The following RYR3 variants were observed in gnomAD, a reference collection of about 807,000 sequenced individuals.
The protein encoded by RYR3 is ryanodine receptor 3.
A neutral mutation model predicts 584.3 loss-of-function variants in RYR3; 207 were observed. That is an observed-to-expected ratio of 0.35 (90% CI 0.32 to 0.40). RYR3 has a LOEUF of 0.40. RYR3 is among the 10% of genes least tolerant of loss of function. RYR3 has a pLI of 1.00. For synonymous variants in RYR3, 2,416 were observed against 2,248.5 expected (o/e 1.07, Z -2.11); for missense variants, 5,616 against 6,089.2 (o/e 0.92, Z 2.59).
In RYR3 at chr15:33,603,308, A is replaced by G. The variant is rs1018806149; in HGVS notation, c.2108A>G (p.Asn703Ser). The change falls in exon 18 of 104, where the codon AAT becomes AGT. Residue 703 changes from asparagine (N) to serine (S), a missense_variant. Asn to Ser is a conservative substitution (Grantham distance 46). This residue lies in a region of RYR3 where 1,284 missense variants were observed against 1,344.6 expected (regional missense o/e 0.95). Transcript: ENST00000634891. ...YPGGGEGWGGNGVGDDLYSYG... is the reference protein window; with the variant it reads ...YPGGGEGWGGSGVGDDLYSYG... ...GGAGGTGGAGAAGGATGGGGAGGCA[A>G]TGGTGTTGGTGACGACCTGTACTCC... 70 of 1,613,342 alleles carry G rather than the reference A, an allele frequency of 4.3e-5. No homozygotes were observed. Among genetic ancestry groups the G allele is most frequent in the Non-Finnish European group, 5.6e-5 (66 of 1,179,608 alleles).
At chr15:33,499,265 C>A (rs1177251198) in intron 2 of RYR3, among the ~76,000 whole-genome samples, 1 of 151,048 alleles carries the variant, frequency 6.6e-6, no homozygotes, top group East Asian at 2.0e-4. Flanking sequence ...CCATTTCCCT[C>A]CCTGTCTTCC....
At chr15:33,497,080 A>T (rs1256514648) in intron 2 of RYR3, among the ~76,000 whole-genome samples, 1 of 152,036 alleles carries the variant, frequency 6.6e-6, no homozygotes, top group Non-Finnish European at 1.5e-5. Flanking sequence ...AATTGGGCTG[A>T]CTCTGGTTGC....
At chr15:33,809,078 G>C (rs1033923546) in intron 70 of RYR3, among the ~76,000 whole-genome samples, 1 of 152,032 alleles carries the variant, frequency 6.6e-6, no homozygotes, top group African/African-American at 2.4e-5. Context: ...AAACTCTTTC[G>C]CCTTTTGGAA....
chr15:33,620,193 C>A (rs2060650501), intron 19 of RYR3, among the ~76,000 whole-genome samples: 1 of 152,158 alleles, frequency 6.6e-6, no homozygotes, highest in Admixed American at 6.5e-5. Context: ...CGAAAGGGCA[C>A]CTCTTTTCCA....
chr15:33,703,949 T>C (rs1347305322), intron 42 of RYR3, among the ~76,000 whole-genome samples: 1 of 152,110 alleles, frequency 6.6e-6, no homozygotes, highest in Non-Finnish European at 1.5e-5. Flanking sequence ...AATAATACCA[T>C]AATAGAAGAA....
In RYR3 at chr15:33,336,480, G is replaced by A. The variant is rs1410700975; in HGVS notation, c.51+25384G>A. 0.03 allele frequency among the ~76,000 whole-genome samples: 621 copies of A among 20,776 alleles called. 255 individuals carry two copies. The African/African-American group carries it at 0.34, about 11-fold the overall frequency. 13.6% of individuals were successfully genotyped at this position (20,776 alleles called of 152,430 possible). A position where few individuals can be genotyped will look rare whatever the true frequency, so the allele number is the denominator to read the frequency against. On this transcript the variant is annotated intron_variant, in intron 1 of 103. Transcript: ENST00000634891. Reference sequence around the variant, plus strand: ...AGAGAGAGAGAGAGAGAGAGAGAGAGAGAGAGAAAGAAAGAAAGAAAGAAG... The same window carrying A: ...AGAGAGAGAGAGAGAGAGAGAGAGAAAGAGAGAAAGAAAGAAAGAAAGAAG...
chr15:33,602,992 G>A, intron 17 of RYR3, 131 bp from the exon 18 acceptor site: 1 of 939,264 alleles, frequency 1.1e-6, no homozygotes, highest in Non-Finnish European at 1.6e-6. Flanking sequence ...CCCATCTTTT[G>A]AGCAATATGA....
intron 1 of RYR3, among the ~76,000 whole-genome samples, chr15:33,361,422 G>A (rs1406207673): frequency 6.6e-6 from 1 of 152,188 alleles, no homozygotes; most frequent in East Asian, 1.9e-4. Context: ...CTCCATTTTA[G>A]CAAGGTAGAA....
intron 1 of RYR3, among the ~76,000 whole-genome samples, chr15:33,455,255 A>G (rs536205170): frequency 3.4e-4 from 52 of 152,266 alleles, no homozygotes; most frequent in African/African-American, 1.3e-3. Context: ...TTTTGGATGA[A>G]CTGACTTGCA....
At chr15:33,758,723 A>T (rs2072125039) in intron 60 of RYR3, among the ~76,000 whole-genome samples, 1 of 152,208 alleles carries the variant, frequency 6.6e-6, no homozygotes, top group Non-Finnish European at 1.5e-5. Context: ...CAGCTTTAGC[A>T]GACTTAAAAG....
At chr15:33,698,297 C>A (rs1174610043) in intron 40 of RYR3, among the ~76,000 whole-genome samples, 1 of 152,220 alleles carries the variant, frequency 6.6e-6, no homozygotes, top group African/African-American at 2.4e-5. Context: ...TCACTCACTT[C>A]CACTTAGGAG....
At chr15:33,349,095 A>G (rs1051580339) in intron 1 of RYR3, among the ~76,000 whole-genome samples, 12 of 136,280 alleles carry the variant, frequency 8.8e-5, no homozygotes, top group Non-Finnish European at 1.6e-5. Flanking sequence ...TTGTGGCTTG[A>G]TAGCTTGTGC....
chr15:33,382,319 CTTTTTTTT>C lies in RYR3; in HGVS notation c.51+71238_51+71245del, dbSNP rs34767570. Among the ~76,000 whole-genome samples, 437 of 104,802 alleles carry C rather than the reference CTTTTTTTT, an allele frequency of 4.2e-3. 2 individuals carry two copies. Among genetic ancestry groups the C allele is most frequent in the African/African-American group, 0.017 (413 of 24,718 alleles). The allele number at this position is 104,802 out of a possible 152,430, so 68.8% of individuals were successfully genotyped here. ...CAGGAACTGCTAATTTTAAAAGTGG[CTTTTTTTT>C]TTTTTTTTTTTTTTGAGACGGAGTC... On this transcript the variant is annotated intron_variant, in intron 1 of 103. Transcript: ENST00000634891.
At chr15:33,469,702 T>C (rs925783862) in intron 1 of RYR3, among the ~76,000 whole-genome samples, 27 of 152,084 alleles carry the variant, frequency 1.8e-4, no homozygotes, top group African/African-American at 5.8e-4. Flanking sequence ...TAAAAATAGA[T>C]GGAGGTTTGG....
intron 69 of RYR3, among the ~76,000 whole-genome samples, chr15:33,802,509 A>C (rs1292507709): frequency 1.2e-5 from 1 of 84,392 alleles, no homozygotes; most frequent in Non-Finnish European, 2.5e-5. Flanking sequence ...CCTTTAGGAA[A>C]TGTTTGAAAA....
chr15:33,843,965 A>G (rs1397687125), intron 92 of RYR3, among the ~76,000 whole-genome samples: 2 of 152,336 alleles, frequency 1.3e-5, no homozygotes, highest in East Asian at 3.9e-4. Flanking sequence ...AAGCGTTATA[A>G]AGGAAAAATT....
At chr15:33,351,007 C>T (rs1182970151) in intron 1 of RYR3, among the ~76,000 whole-genome samples, 1 of 151,820 alleles carries the variant, frequency 6.6e-6, no homozygotes, top group Admixed American at 6.6e-5. Context: ...ATTGATAGAC[C>T]CCTAGCAAGA....
chr15:33,539,421 G>A lies in RYR3; in HGVS notation c.505G>A (p.Asp169Asn), dbSNP rs2055617420. Residue 169 changes from aspartate to asparagine, a missense_variant, in exon 6 of 104, where the codon GAT becomes AAT. Around this residue, in one of 9 missense-constraint regions of RYR3, gnomAD observed 1,284 missense variants for 1,344.6 expected, o/e 0.95. Transcript: ENST00000634891. ...CGAAGGAGAGAAAGTTCGAATTGGC[G>A]ATGACCTCATCCTCGTCAGCGTGTC... ...RSEGEKVRIG[D>N]DLILVSVSSE... 2 of 1,602,668 alleles carry A rather than the reference G, an allele frequency of 1.2e-6. No homozygotes were observed. Among genetic ancestry groups the A allele is most frequent in the South Asian group, 1.1e-5 (1 of 88,644 alleles).
intron 65 of RYR3, among the ~76,000 whole-genome samples, chr15:33,780,643 C>A (rs1306970468): frequency 6.6e-6 from 1 of 152,142 alleles, no homozygotes; most frequent in Non-Finnish European, 1.5e-5. Flanking sequence ...TTTCAGTTCC[C>A]CCTCTGCACC....
Sources: gnomAD v4.1 joint callset for allele counts (sites outside exome capture counted in the v4.1 genomes callset) on GRCh38, gnomAD v4.1.1 for gene constraint, gnomAD v4.1.1 regional missense constraint, MANE v1.5 for transcripts, NCBI Gene and HGNC (gene_info 2026-07-23, HGNC 2026-07-21) for gene names.